Variants in FOXL2NB observed in about 807,000 individuals in gnomAD.
FOXL2NB encodes FOXL2 neighbor, also known as FOXL2 neighbor protein.
A neutral mutation model predicts 7.4 loss-of-function variants in FOXL2NB; 10 were observed. The observed-to-expected ratio is 1.34, with a 90% CI of 0.83 to 2.28. The LOEUF (loss-of-function observed/expected upper bound fraction) is 2.28. Among genes scored for constraint, FOXL2NB ranks in the 30% most tolerant of loss-of-function variants. FOXL2NB has a pLI of 0.00. For synonymous variants in FOXL2NB, 104 were observed against 105.3 expected, an observed-to-expected ratio of 0.99 and a Z score of 0.08; for missense variants, 228 against 233.9, an observed-to-expected ratio of 0.97 and a Z score of 0.17.
rs1361104603 is a variant in FOXL2NB at position 138,950,568 on chromosome 3, A to G, written c.524A>G (p.Tyr175Cys). The stretch of plus-strand genomic sequence containing the variant: ...AGCAAAGGGAAGCTTCACTGTGTCT[A>G]TTAGTACATCCCCATACACTCCACG... The part of the protein sequence containing the change: ...LASKGKLHCV[Y>C] Residue 175 changes from tyrosine (Y) to cysteine (C), a missense_variant, in exon 3 of 3, where the codon TAT becomes TGT. Physicochemically the swap from Tyr to Cys is radical, Grantham distance 194. Transcript: ENST00000383165. 11 of 1,614,016 alleles carry G rather than the reference A, an allele frequency of 6.8e-6. No homozygotes were observed. In the East Asian group the frequency reaches 1.3e-4, roughly 20 times the overall value.
In FOXL2NB at chr3:138,947,392, C is replaced by T. The variant is rs1936008710; in HGVS notation, c.28C>T (p.Arg10Cys). The T allele has an allele frequency of 1.3e-6, 2 of 1,548,834 alleles. No individual in the cohort carries two copies. Among genetic ancestry groups the T allele is most frequent in the Admixed American group, 2.0e-5 (1 of 50,962 alleles). The change falls in exon 1 of 3, where the codon CGC becomes TGC. Residue 10 changes from arginine (R) to cysteine (C), a missense_variant. Arg to Cys is a radical substitution (Grantham distance 180). Coordinates refer to ENST00000383165, the MANE Select transcript of FOXL2NB (RefSeq NM_001040061.3). This position sits in a 1 kb window ranked among gnomAD's most constrained non-coding sequence, Gnocchi z 5.2. Reference protein sequence around the residue: MTRTPVGSARTRPKPRKLGP... With the variant: MTRTPVGSACTRPKPRKLGP... The stretch of plus-strand genomic sequence containing the variant: ...GACGAGGACCCCGGTGGGGTCTGCC[C>T]GCACCCGGCCAAAGCCCAGGAAGCT...
Position 138,947,861 on chromosome 3 carries a change from A to G in FOXL2NB, c.100+397A>G. ...AGCACCAAGTAGATGCCCCTCAGCT[A>G]TTGCACTAACACAGGCGGGGCTGTT... On this transcript the variant is annotated intron_variant, in intron 1 of 2. Transcript: ENST00000383165. This position sits in a 1 kb window ranked among gnomAD's most constrained non-coding sequence, Gnocchi z 5.2. 9.9e-7 allele frequency: 1 copy of G among 1,005,964 alleles called. No homozygotes were observed. Among genetic ancestry groups the G allele is most frequent in the Non-Finnish European group, 1.2e-6 (1 of 843,622 alleles). The allele number at this position is 1,005,964 out of a possible 1,614,324, so 62.3% of individuals were successfully genotyped here. A position where few individuals can be genotyped will look rare whatever the true frequency, so the allele number is the denominator to read the frequency against.
Position 138,947,922 on chromosome 3 carries a change from C to G in FOXL2NB, c.100+458C>G, listed in dbSNP as rs980363213. The stretch of plus-strand genomic sequence containing the variant: ...TTGCGGGACTGTGTATGTGTGTGCA[C>G]AGGGGTCACATATGGAAGTCATGGA... On this transcript the variant is annotated intron_variant, in intron 1 of 2. Coordinates refer to ENST00000383165, the MANE Select transcript of FOXL2NB (RefSeq NM_001040061.3). The surrounding 1 kb of genome is among the most constrained non-coding windows in gnomAD (Gnocchi z 5.2). 4 of 987,512 alleles carry G rather than the reference C, an allele frequency of 4.1e-6. No homozygotes were observed. The highest frequency in any genetic ancestry group is 4.8e-6 in the Non-Finnish European group (4 of 831,582). The allele number at this position is 987,512 out of a possible 1,614,324, so 61.2% of individuals were successfully genotyped here.
rs199800109 is a variant in FOXL2NB, at chr3:138,950,448, C to T, written c.404C>T (p.Pro135Leu). 533 of 1,614,060 alleles carry T rather than the reference C, an allele frequency of 3.3e-4. No individual in the cohort carries two copies. The highest frequency in any genetic ancestry group is 1.0e-3 in the Admixed American group (63 of 60,010). Reference protein sequence around the residue: ...QVPLSPFLAGPRNTRRLPAPE... With the variant: ...QVPLSPFLAGLRNTRRLPAPE... ...CCGCTGTCCCCTTTCCTAGCGGGAC[C>T]CCGAAACACCCGGCGGCTTCCCGCT... Residue 135 changes from proline (P) to leucine (L), a missense_variant, in exon 3 of 3, where the codon CCC (proline) becomes CTC (leucine). Coordinates refer to ENST00000383165, the MANE Select transcript of FOXL2NB (RefSeq NM_001040061.3).
chr3:138,949,526 C>T lies in FOXL2NB; in HGVS notation c.107C>T (p.Pro36Leu). ...LQASSRLSES[P>L]ALVKKRMPDA... ...CTGTCCCGTAGAGGAACAGAATCCC[C>T]AGCCCTGGTGAAGAAGAGGATGCCT... The change falls in exon 2 of 3, where the codon CCA becomes CTA. Residue 36 changes from proline (P) to leucine (L), a missense_variant. Physicochemically the swap from Pro to Leu is moderately conservative, Grantham distance 98 (BLOSUM62 -3). Transcript: ENST00000383165. The surrounding 1 kb of genome is among the most constrained non-coding windows in gnomAD (Gnocchi z 4.5). 6.2e-7 allele frequency: 1 copy of T among 1,614,102 alleles called. No individual in the cohort carries two copies. Among genetic ancestry groups the T allele is most frequent in the Admixed American group, 1.7e-5 (1 of 60,018 alleles).
In FOXL2NB at chr3:138,950,563, T is replaced by G. The variant is rs146602024; in HGVS notation, c.519T>G (p.Cys173Trp). ...TGGCTAGCAAAGGGAAGCTTCACTG[T>G]GTCTATTAGTACATCCCCATACACT... ...RCLASKGKLH[C>W]VY Residue 173 changes from cysteine to tryptophan, a missense_variant, in exon 3 of 3, where the codon TGT becomes TGG. Physicochemically the swap from Cys to Trp is radical, Grantham distance 215. Coordinates refer to ENST00000383165, the MANE Select transcript of FOXL2NB (RefSeq NM_001040061.3). 25 of 1,614,096 alleles carry G rather than the reference T, an allele frequency of 1.5e-5. No homozygotes were observed. In the African/African-American group the frequency reaches 3.2e-4, roughly 21 times the overall value.
chr3:138,950,616 C>T lies in FOXL2NB; in HGVS notation c.*44C>T. On this transcript the variant is annotated 3_prime_UTR_variant, in exon 3 of 3. Coordinates refer to ENST00000383165, the MANE Select transcript of FOXL2NB (RefSeq NM_001040061.3). ...ACGCCTCAACAACTGTCAGCACTCA[C>T]TCCCTCCCGGCCCCTCACAGGGCCC... 4.4e-6 allele frequency: 7 copies of T among 1,604,538 alleles called. No individual in the cohort carries two copies. The highest frequency in any genetic ancestry group is 1.1e-5 in the South Asian group (1 of 89,664).
Position 138,949,238 on chromosome 3 carries a change from CTCTG to C in FOXL2NB, c.101-278_101-275del, listed in dbSNP as rs995115906. On this transcript the variant is annotated intron_variant, in intron 1 of 2. Transcript: ENST00000383165. The surrounding 1 kb of genome is among the most constrained non-coding windows in gnomAD (Gnocchi z 4.5). Reference sequence around the variant, plus strand: ...CCACCCAGGCTGGCTCTCTGCGTCTCTCTGTCTTTCTTTCTTCTTCTCACAGGCA... The same window carrying C: ...CCACCCAGGCTGGCTCTCTGCGTCTCTCTTTCTTTCTTCTTCTCACAGGCA... 1.8e-4 allele frequency among the ~76,000 whole-genome samples: 28 copies of C among 152,020 alleles called. No individual in the cohort carries two copies. Among genetic ancestry groups the C allele is most frequent in the Admixed American group, 5.2e-4 (8 of 15,272 alleles).
rs989741017 is a variant in FOXL2NB at position 138,952,383 on chromosome 3, G to A, written c.*1811G>A. ...CTAGCTGGCACAAAGTCCAGAGGAA[G>A]GGAGGGAGAAGGGCTGAGTTTTGTA... On this transcript the variant is annotated 3_prime_UTR_variant, in exon 3 of 3. Transcript: ENST00000383165. The A allele has an allele frequency of 2.0e-5, 3 of 152,294 alleles. No individual in the cohort carries two copies. Among genetic ancestry groups the A allele is most frequent in the Admixed American group, 2.0e-4 (3 of 15,292 alleles). 9.4% of individuals were successfully genotyped at this position (152,294 alleles called of 1,614,324 possible).
rs1459320527 is a variant in FOXL2NB at position 138,953,094 on chromosome 3, A to G, written c.*2522A>G. 2.0e-5 allele frequency: 3 copies of G among 149,604 alleles called. No individual in the cohort carries two copies. The highest frequency in any genetic ancestry group is 7.4e-5 in the African/African-American group (3 of 40,506). 9.3% of individuals were successfully genotyped at this position (149,604 alleles called of 1,614,324 possible). On this transcript the variant is annotated 3_prime_UTR_variant, in exon 3 of 3. Transcript: ENST00000383165. ...GAGTGCAGTGGCATGAACTTGGCTT[A>G]CTGCAGCCTCCTGAGTTCAAGTGAT...
chr3:138,947,854 CTCAGCTATTGCACTAACACAGGCGGG>C lies in FOXL2NB; in HGVS notation c.100+391_100+416del, dbSNP rs1486990862. 109 of 1,009,418 alleles carry C rather than the reference CTCAGCTATTGCACTAACACAGGCGGG, an allele frequency of 1.1e-4. No individual in the cohort carries two copies. The highest frequency in any genetic ancestry group is 2.2e-5 in the Non-Finnish European group (19 of 845,828). The allele number at this position is 1,009,418 out of a possible 1,614,324, so 62.5% of individuals were successfully genotyped here. A position where few individuals can be genotyped will look rare whatever the true frequency, so the allele number is the denominator to read the frequency against. Reference sequence around the variant, plus strand: ...CTTTAACAGCACCAAGTAGATGCCCCTCAGCTATTGCACTAACACAGGCGGGGCTGTTGCCCGGGACTTTGCGGGAC... The same window carrying C: ...CTTTAACAGCACCAAGTAGATGCCCCGCTGTTGCCCGGGACTTTGCGGGAC... On this transcript the variant is annotated intron_variant, in intron 1 of 2. Coordinates refer to ENST00000383165, the MANE Select transcript of FOXL2NB (RefSeq NM_001040061.3). This position sits in a 1 kb window ranked among gnomAD's most constrained non-coding sequence, Gnocchi z 5.2.
rs1559925788 is a variant in FOXL2NB, at chr3:138,952,375, C to T, written c.*1803C>T. On this transcript the variant is annotated 3_prime_UTR_variant, in exon 3 of 3. Coordinates refer to ENST00000383165, the MANE Select transcript of FOXL2NB (RefSeq NM_001040061.3). ...TTAGATGCCTAGCTGGCACAAAGTC[C>T]AGAGGAAGGGAGGGAGAAGGGCTGA... 1.3e-5 allele frequency: 2 copies of T among 152,302 alleles called. No individual in the cohort carries two copies. Among genetic ancestry groups the T allele is most frequent in the East Asian group, 3.9e-4 (2 of 5,194 alleles). The allele number at this position is 152,302 out of a possible 1,614,324, so 9.4% of individuals were successfully genotyped here. A position where few individuals can be genotyped will look rare whatever the true frequency, so the allele number is the denominator to read the frequency against.
rs1936137232 is a variant in FOXL2NB at position 138,951,834 on chromosome 3, C to A, written c.*1262C>A. 1 of 151,180 alleles carries A rather than the reference C, an allele frequency of 6.6e-6. No homozygotes were observed. The highest frequency in any genetic ancestry group is 2.4e-5 in the African/African-American group (1 of 41,388). The allele number at this position is 151,180 out of a possible 1,614,324, so 9.4% of individuals were successfully genotyped here. ...CGCTGATGGGCAGAGACTCTGCCCTCCACTTCTCACTCAGTGCTCCCCACC... is the reference window on the plus strand; with the variant it reads ...CGCTGATGGGCAGAGACTCTGCCCTACACTTCTCACTCAGTGCTCCCCACC... On this transcript the variant is annotated 3_prime_UTR_variant, in exon 3 of 3. Transcript: ENST00000383165.
In FOXL2NB at chr3:138,949,629, T is replaced by C. The variant is rs1341965545; in HGVS notation, c.210T>C (p.Ala70=). The C allele has an allele frequency of 2.5e-6, 4 of 1,613,200 alleles. No individual in the cohort carries two copies. The highest frequency in any genetic ancestry group is 3.4e-6 in the Non-Finnish European group (4 of 1,179,616). The change falls in exon 2 of 3, where the codon GCT becomes GCC. Residue 70 remains alanine, a synonymous_variant. Coordinates refer to ENST00000383165, the MANE Select transcript of FOXL2NB (RefSeq NM_001040061.3). The surrounding 1 kb of genome is among the most constrained non-coding windows in gnomAD (Gnocchi z 4.5). ...CLHMAVRHSK[A]QKTGPGILQQ... ...ACATGGCTGTCCGGCATTCGAAGGCTCAGAAAACAGGCAAGAAAATGCGGG... is the reference window on the plus strand; with the variant it reads ...ACATGGCTGTCCGGCATTCGAAGGCCCAGAAAACAGGCAAGAAAATGCGGG...
At position 138,949,123 on chromosome 3, in the gene FOXL2NB, C is replaced by G. The variant is rs764077124; in HGVS notation, c.101-397C>G. Among the ~76,000 whole-genome samples, 3 of 152,016 alleles carry G rather than the reference C, an allele frequency of 2.0e-5. No individual in the cohort carries two copies. Among genetic ancestry groups the G allele is most frequent in the Non-Finnish European group, 2.9e-5 (2 of 67,986 alleles). On this transcript the variant is annotated intron_variant, in intron 1 of 2. Coordinates refer to ENST00000383165, the MANE Select transcript of FOXL2NB (RefSeq NM_001040061.3). The surrounding 1 kb of genome is among the most constrained non-coding windows in gnomAD (Gnocchi z 4.5). The stretch of plus-strand genomic sequence containing the variant: ...GCCTCAGTGCCTATCCTCCCCCAGC[C>G]AGGGCCTGGGCAGGGGGAAAAACAG...
chr3:138,947,529 G>T lies in FOXL2NB; in HGVS notation c.100+65G>T. ...GTCTTGAGGCTGAACTTCTAGCTCGGGGCTGGGGAGGGGCGAGACGGCGAG... is the reference window on the plus strand; with the variant it reads ...GTCTTGAGGCTGAACTTCTAGCTCGTGGCTGGGGAGGGGCGAGACGGCGAG... On this transcript the variant is annotated intron_variant, in intron 1 of 2. Transcript: ENST00000383165. This position sits in a 1 kb window ranked among gnomAD's most constrained non-coding sequence, Gnocchi z 5.2. 1 of 1,507,214 alleles carries T rather than the reference G, an allele frequency of 6.6e-7. No homozygotes were observed. Among genetic ancestry groups the T allele is most frequent in the Non-Finnish European group, 8.9e-7 (1 of 1,120,488 alleles). 93.4% of individuals were successfully genotyped at this position (1,507,214 alleles called of 1,614,324 possible).
Position 138,947,259 on chromosome 3 carries a change from C to G in FOXL2NB, c.-106C>G, listed in dbSNP as rs1559923152. 2 of 892,182 alleles carry G rather than the reference C, an allele frequency of 2.2e-6. No individual in the cohort carries two copies. Among genetic ancestry groups the G allele is most frequent in the South Asian group, 1.5e-5 (1 of 65,184 alleles). The allele number at this position is 892,182 out of a possible 1,614,324, so 55.3% of individuals were successfully genotyped here. On this transcript the variant is annotated 5_prime_UTR_variant, in exon 1 of 3. Coordinates refer to ENST00000383165, the MANE Select transcript of FOXL2NB (RefSeq NM_001040061.3). The surrounding 1 kb of genome is among the most constrained non-coding windows in gnomAD (Gnocchi z 5.2). ...ACTTTTTGTAAACGCCCCGCACAGC[C>G]TGGACCGGCCTGCCCCCGCCCAGCG...
In FOXL2NB at chr3:138,950,272, A is replaced by T; in HGVS notation, c.228A>T (p.Gly76=). 6.2e-7 allele frequency: 1 copy of T among 1,603,628 alleles called. No homozygotes were observed. The highest frequency in any genetic ancestry group is 8.5e-7 in the Non-Finnish European group (1 of 1,177,048). Reference sequence around the variant, plus strand: ...AGACGCTTTTCTCCCCAGGGCCGGGAATCCTGCAACAGCGGCAGAAGCCGC... The same window carrying T: ...AGACGCTTTTCTCCCCAGGGCCGGGTATCCTGCAACAGCGGCAGAAGCCGC... The part of the protein sequence containing the change: ...RHSKAQKTGP[G]ILQQRQKPPA... Residue 76 remains glycine, a synonymous_variant, in exon 3 of 3, where the codon GGA becomes GGT. Transcript: ENST00000383165.
chr3:138,947,456 G>C lies in FOXL2NB; in HGVS notation c.92G>C (p.Arg31Pro), dbSNP rs371206426. Reference sequence around the variant, plus strand: ...GGAAAGGCGCTCCAAGCCTCCTCGCGGCTTTCAGGTGAAAGAAAACGACTC... The same window carrying C: ...GGAAAGGCGCTCCAAGCCTCCTCGCCGCTTTCAGGTGAAAGAAAACGACTC... ...QRGKALQASS[R>P]LSESPALVKK... Residue 31 changes from arginine to proline, a missense_variant, in exon 1 of 3, where the codon CGG becomes CCG. Transcript: ENST00000383165. The surrounding 1 kb of genome is among the most constrained non-coding windows in gnomAD (Gnocchi z 5.2). 8.5e-4 allele frequency: 1,304 copies of C among 1,542,132 alleles called. No individual in the cohort carries two copies. Among genetic ancestry groups the C allele is most frequent in the Admixed American group, 1.5e-3 (77 of 50,452 alleles).
Sources: allele counts gnomAD v4.1 joint callset (sites outside exome capture counted in the v4.1 genomes callset), GRCh38; gene constraint gnomAD v4.1.1; non-coding constraint Gnocchi (gnomAD v3.1); transcripts MANE v1.5; gene names NCBI Gene and HGNC (gene_info 2026-07-23, HGNC 2026-07-21).